MYO1D: variants seen among roughly 807,000 people sequenced by gnomAD.
The protein encoded by MYO1D is myosin ID.
A neutral mutation model predicts 122.0 loss-of-function variants in MYO1D; 83 were observed. The ratio of observed to expected loss-of-function variants is 0.68; its 90% CI spans 0.57 to 0.82. The LOEUF (loss-of-function observed/expected upper bound fraction) is 0.82, where lower values mean the gene tolerates loss of function less well. MYO1D is among the 40% of genes least tolerant of loss of function. The pLI, the probability that MYO1D is intolerant of heterozygous loss-of-function variation, is 0.00. For synonymous variants in MYO1D, 464 were observed against 446.9 expected, an observed-to-expected ratio of 1.04 and a Z score of -0.48; for missense variants, 1,157 against 1,269.5, an observed-to-expected ratio of 0.91 and a Z score of 1.35.
chr17:32,871,210 CA>C (rs1303006185), intron 1 of MYO1D, among the ~76,000 whole-genome samples: 1 of 152,326 alleles, frequency 6.6e-6, no homozygotes, highest in African/African-American at 2.4e-5. Context: ...CACCCACACA[CA>C]ACCCCCCCAG....
chr17:32,498,931 G>A (rs1030941958), intron 21 of MYO1D: 1 of 152,226 alleles, frequency 6.6e-6, no homozygotes, highest in African/African-American at 2.4e-5. Context: ...CAGGCCGGGT[G>A]CGTAGCTCAC....
At chr17:32,867,798 CAAAAAAAAAAAAAA>C (rs5820001) in intron 1 of MYO1D, among the ~76,000 whole-genome samples, 28 of 53,934 alleles carry the variant, frequency 5.2e-4, no homozygotes, top group African/African-American at 1.9e-3. Context: ...GACTCCGTCT[CAAAAAAAAAAAAAA>C]AAAAAAAAAA....
chr17:32,805,991 G>T (rs1381999426), intron 1 of MYO1D, among the ~76,000 whole-genome samples: 2 of 152,214 alleles, frequency 1.3e-5, no homozygotes, highest in South Asian at 4.1e-4. Context: ...GGGTGCAGTG[G>T]CTCACGCCTG....
intron 1 of MYO1D, among the ~76,000 whole-genome samples, chr17:32,802,781 G>A (rs1279082575): frequency 6.6e-6 from 1 of 152,052 alleles, no homozygotes; most frequent in Non-Finnish European, 1.5e-5. Flanking sequence ...TGTTTATACA[G>A]ATTATAATAA....
At chr17:32,774,912 A>G (rs1454558682) in intron 4 of MYO1D, among the ~76,000 whole-genome samples, 1 of 152,230 alleles carries the variant, frequency 6.6e-6, no homozygotes, top group Non-Finnish European at 1.5e-5. Context: ...TATGAATTCA[A>G]GGTGGAGACT....
intron 1 of MYO1D, among the ~76,000 whole-genome samples, chr17:32,837,124 A>G (rs560312933): frequency 1.1e-4 from 16 of 151,926 alleles, no homozygotes; most frequent in Non-Finnish European, 2.2e-4. Flanking sequence ...AATTTTAGCC[A>G]TTCTGATGAG....
intron 16 of MYO1D, among the ~76,000 whole-genome samples, chr17:32,673,948 C>T (rs1445525927): frequency 6.6e-6 from 1 of 152,108 alleles, no homozygotes; most frequent in Non-Finnish European, 1.5e-5. Context: ...TATATTACTG[C>T]AATGATTAGA....
Position 32,775,843 on chromosome 17 carries a change from C to G in MYO1D, c.564+21G>C, listed in dbSNP as rs2090166487. Reference sequence around the variant, plus strand: ...CATTCAGCACTTAAAACATTACCCTCAGAAATTAAGCATATTTTACCTTTT... The same window carrying G: ...CATTCAGCACTTAAAACATTACCCTGAGAAATTAAGCATATTTTACCTTTT... On this transcript the variant is annotated intron_variant, in intron 4 of 21. Coordinates refer to ENST00000318217, the MANE Select transcript of MYO1D (RefSeq NM_015194.3). 5 of 1,574,554 alleles carry G rather than the reference C, an allele frequency of 3.2e-6. 1 individual carries two copies. The African/African-American group carries it at 6.8e-5, about 21-fold the overall frequency.
At chr17:32,604,635 G>T (rs1361146527) in intron 21 of MYO1D, among the ~76,000 whole-genome samples, 2 of 152,174 alleles carry the variant, frequency 1.3e-5, no homozygotes, top group Non-Finnish European at 2.9e-5. Context: ...CCATGTTTCT[G>T]CAGTGGTCAC....
chr17:32,601,606 T>C (rs2150910807), intron 21 of MYO1D, among the ~76,000 whole-genome samples: 1 of 152,140 alleles, frequency 6.6e-6, no homozygotes, highest in East Asian at 1.9e-4. Flanking sequence ...AACAAAAGAG[T>C]CAGCCTGTCC....
intron 20 of MYO1D, among the ~76,000 whole-genome samples, chr17:32,626,916 C>T (rs945291015): frequency 3.3e-5 from 5 of 151,790 alleles, no homozygotes; most frequent in Admixed American, 6.6e-5. Flanking sequence ...TTATAAGAGG[C>T]GGGGAAAGAA....
intron 12 of MYO1D, among the ~76,000 whole-genome samples, chr17:32,746,011 GC>G (rs1456257751): frequency 6.6e-6 from 1 of 152,190 alleles, no homozygotes; most frequent in Non-Finnish European, 1.5e-5. Flanking sequence ...AGGAGATTAA[GC>G]AAATAGGAAC....
chr17:32,854,244 C>A (rs979532990), intron 1 of MYO1D, among the ~76,000 whole-genome samples: 2 of 152,146 alleles, frequency 1.3e-5, no homozygotes, highest in Non-Finnish European at 2.9e-5. Context: ...TAATCAGAAT[C>A]ATCATTAAGA....
At chr17:32,661,085 A>C (rs1567935655) in intron 16 of MYO1D, among the ~76,000 whole-genome samples, 1 of 152,226 alleles carries the variant, frequency 6.6e-6, no homozygotes, top group Non-Finnish European at 1.5e-5. Flanking sequence ...AGCAAATTGA[A>C]AAAAACATTT....
At chr17:32,529,597 T>G (rs1018798113) in intron 21 of MYO1D, 4 of 153,014 alleles carry the variant, frequency 2.6e-5, no homozygotes, top group African/African-American at 9.7e-5. Flanking sequence ...CAGGATGGGC[T>G]CAGGGGGTGC....
At chr17:32,517,727 A>AC (rs1321724136) in intron 21 of MYO1D, among the ~76,000 whole-genome samples, 1 of 152,220 alleles carries the variant, frequency 6.6e-6, no homozygotes, top group African/African-American at 2.4e-5. Context: ...CTGCCTGGGA[A>AC]CTGGCCTAGC....
At chr17:32,502,736 C>G (rs889759292) in intron 21 of MYO1D, among the ~76,000 whole-genome samples, 3 of 152,156 alleles carry the variant, frequency 2.0e-5, no homozygotes, top group African/African-American at 7.2e-5. Flanking sequence ...ACGGAGTAGA[C>G]GCTTGGGGTC....
At chr17:32,645,906 CAA>C (rs1183985803) in intron 19 of MYO1D, among the ~76,000 whole-genome samples, 2 of 152,238 alleles carry the variant, frequency 1.3e-5, no homozygotes, top group Non-Finnish European at 2.9e-5. Context: ...CTCAGCTCGT[CAA>C]AGTCATTCTC....
At chr17:32,760,664 T>G (rs2089992344) in intron 8 of MYO1D, 37 bp from the exon 9 acceptor site, 4 of 1,580,704 alleles carry the variant, frequency 2.5e-6, no homozygotes, top group Non-Finnish European at 2.6e-6. Flanking sequence ...CTTGCCAATT[T>G]GGGAATGAGT....
Sources: gnomAD v4.1 joint callset for allele counts (sites outside exome capture counted in the v4.1 genomes callset) on GRCh38, gnomAD v4.1.1 for gene constraint, MANE v1.5 for transcripts, NCBI Gene and HGNC (gene_info 2026-07-23, HGNC 2026-07-21) for gene names.